Variants in CAMK1D observed in about 807,000 individuals in gnomAD.
CAMK1D encodes calcium/calmodulin dependent protein kinase ID.
Under a neutral mutation model 47.7 loss-of-function variants are expected in CAMK1D, and 9 were observed. That is an observed-to-expected ratio of 0.19 (90% CI 0.11 to 0.33). The LOEUF (loss-of-function observed/expected upper bound fraction) is 0.33. CAMK1D is among the 10% of genes least tolerant of loss of function. CAMK1D has a pLI of 1.00. For synonymous variants in CAMK1D, 184 were observed against 184.9 expected, an observed-to-expected ratio of 0.99 and a Z score of 0.04; for missense variants, 291 against 488.7, an observed-to-expected ratio of 0.60 and a Z score of 3.81.
At chr10:12,577,621 T>G (rs1188037762) in intron 2 of CAMK1D, among the ~76,000 whole-genome samples, 1 of 152,216 alleles carries the variant, frequency 6.6e-6, no homozygotes, top group African/African-American at 2.4e-5. Context: ...CTTTCTCTTT[T>G]GTTGTCTGTA....
At chr10:12,479,095 C>T (rs557780937) in intron 1 of CAMK1D, among the ~76,000 whole-genome samples, 2 of 152,284 alleles carry the variant, frequency 1.3e-5, no homozygotes, top group Non-Finnish European at 2.9e-5. Flanking sequence ...GAAGATGCAT[C>T]ATAGTCTCCT....
At chr10:12,691,848 A>C (rs1428005034) in intron 3 of CAMK1D, among the ~76,000 whole-genome samples, 8 of 152,180 alleles carry the variant, frequency 5.3e-5, no homozygotes. Flanking sequence ...ATCAACACTT[A>C]CATGTAAATT....
At chr10:12,545,845 A>G (rs1377976193) in intron 1 of CAMK1D, among the ~76,000 whole-genome samples, 2 of 151,996 alleles carry the variant, frequency 1.3e-5, no homozygotes, top group African/African-American at 2.4e-5. Flanking sequence ...AGCAGAAAGA[A>G]AAAGGAATGA....
intron 3 of CAMK1D, among the ~76,000 whole-genome samples, chr10:12,743,763 C>G (rs1323527566): frequency 6.6e-6 from 1 of 152,226 alleles, no homozygotes; most frequent in East Asian, 1.9e-4. Flanking sequence ...TGGCTCACGC[C>G]TGTAATCTCA....
chr10:12,820,516 G>GT (rs1211197672), intron 8 of CAMK1D, among the ~76,000 whole-genome samples: 13 of 152,242 alleles, frequency 8.5e-5, no homozygotes, highest in African/African-American at 2.9e-4. Context: ...ATTCCTCCAG[G>GT]CGGCCCCTCC....
At chr10:12,532,856 C>A (rs1036973761) in intron 1 of CAMK1D, among the ~76,000 whole-genome samples, 3 of 150,440 alleles carry the variant, frequency 2.0e-5, no homozygotes, top group African/African-American at 2.5e-5. Flanking sequence ...AGACAAACAT[C>A]GCATGTTCTC....
intron 1 of CAMK1D, among the ~76,000 whole-genome samples, chr10:12,369,076 A>G (rs887459192): frequency 8.5e-5 from 13 of 152,106 alleles, no homozygotes; most frequent in Non-Finnish European, 1.3e-4. Flanking sequence ...CTGTCTCCCA[A>G]AGTGCTGGGA....
chr10:12,550,776 T>C (rs991121735), intron 1 of CAMK1D, among the ~76,000 whole-genome samples: 2 of 152,206 alleles, frequency 1.3e-5, no homozygotes, highest in African/African-American at 2.4e-5. Flanking sequence ...GGATATTTTG[T>C]GGAATGACTA....
chr10:12,706,733 C>A (rs1344655520), intron 3 of CAMK1D, among the ~76,000 whole-genome samples: 6 of 149,968 alleles, frequency 4.0e-5, no homozygotes, highest in Non-Finnish European at 8.9e-5. Flanking sequence ...AGAGTAAGAC[C>A]CTGTCTCCAA....
intron 1 of CAMK1D, among the ~76,000 whole-genome samples, chr10:12,381,027 C>G (rs535170070): frequency 6.6e-6 from 1 of 152,296 alleles, no homozygotes; most frequent in East Asian, 1.9e-4. Context: ...TGTGAAGTAG[C>G]TTGTACATTT....
intron 1 of CAMK1D, among the ~76,000 whole-genome samples, chr10:12,364,733 C>T (rs1160894499): frequency 6.6e-6 from 1 of 152,156 alleles, no homozygotes; most frequent in Admixed American, 6.5e-5. Context: ...GACGGCAGTT[C>T]TGATTTGTAG....
At chr10:12,449,730 C>T (rs936757983) in intron 1 of CAMK1D, among the ~76,000 whole-genome samples, 2 of 152,164 alleles carry the variant, frequency 1.3e-5, no homozygotes, top group Non-Finnish European at 1.5e-5. Flanking sequence ...GTTGGCCGGG[C>T]GTGGTGGCCC....
chr10:12,758,992 G>A (rs1043838717), intron 3 of CAMK1D, among the ~76,000 whole-genome samples: 2 of 152,198 alleles, frequency 1.3e-5, no homozygotes, highest in Non-Finnish European at 2.9e-5. Context: ...CATCCCACTG[G>A]GCATGCTCAC....
rs575366491 is a variant in CAMK1D, at chr10:12,615,418, TAGGG to T, written c.225-51315_225-51312del. On this transcript the variant is annotated intron_variant, in intron 2 of 10. Transcript: ENST00000619168. The stretch of plus-strand genomic sequence containing the variant: ...TTTGCCCTTCTTTGGAAATGGAACT[TAGGG>T]AGTCTGAGTGTGTGAGTGTGTGCAT... Among the ~76,000 whole-genome samples the T allele has an allele frequency of 1.9e-3, 287 of 152,250 alleles. 4 individuals carry two copies. In the Middle Eastern group the frequency reaches 0.034, roughly 18 times the overall value.
intron 2 of CAMK1D, among the ~76,000 whole-genome samples, chr10:12,637,122 C>T (rs1232498685): frequency 1.3e-5 from 2 of 152,108 alleles, no homozygotes; most frequent in Non-Finnish European, 2.9e-5. Context: ...TAGATGTGCA[C>T]CACCATGCCC....
intron 6 of CAMK1D, among the ~76,000 whole-genome samples, chr10:12,810,359 C>A (rs534441664): frequency 6.7e-6 from 1 of 150,114 alleles, no homozygotes; most frequent in Non-Finnish European, 1.5e-5. Flanking sequence ...ACTGCAACCT[C>A]CGCCTCCCGG....
chr10:12,791,638 G>A (rs1018876452), intron 6 of CAMK1D, among the ~76,000 whole-genome samples: 7 of 151,546 alleles, frequency 4.6e-5, no homozygotes, highest in African/African-American at 1.7e-4. Flanking sequence ...CATCCATGGT[G>A]TAGCATGGGT....
chr10:12,492,698 A>G (rs567847099), intron 1 of CAMK1D, among the ~76,000 whole-genome samples: 84 of 152,326 alleles, frequency 5.5e-4, no homozygotes, highest in African/African-American at 2.0e-3. Context: ...ATGGTATCAC[A>G]TGGTGACACT....
Position 12,349,573 on chromosome 10 carries a change from G to GGC in CAMK1D, c.-244_-243dup, listed in dbSNP as rs1302473100. On this transcript the variant is annotated 5_prime_UTR_variant, in exon 1 of 11. Coordinates refer to ENST00000619168, the MANE Select transcript of CAMK1D (RefSeq NM_153498.4). ...GTAGCAGAAAGTGAGGCTGGCAGGC[G>GGC]GCGGCAAAGGAGCCGGCGCGCGGCG... 1.9e-5 allele frequency: 3 copies of GGC among 155,452 alleles called. No homozygotes were observed. Among genetic ancestry groups the GGC allele is most frequent in the African/African-American group, 7.3e-5 (3 of 41,362 alleles). The allele number at this position is 155,452 out of a possible 1,614,324, so 9.6% of individuals were successfully genotyped here.
Sources: allele counts gnomAD v4.1 joint callset (sites outside exome capture counted in the v4.1 genomes callset), GRCh38; gene constraint gnomAD v4.1.1; transcripts MANE v1.5; gene names NCBI Gene and HGNC (gene_info 2026-07-23, HGNC 2026-07-21).